BANP: variants seen among roughly 807,000 people sequenced by gnomAD.
The protein encoded by BANP is protein BANP.
BANP carries 11 observed loss-of-function variants against 68.1 expected under a neutral mutation model. The ratio of observed to expected loss-of-function variants is 0.16; its 90% CI spans 0.10 to 0.27. BANP has a LOEUF of 0.27. BANP is among the 10% of genes least tolerant of loss of function. BANP has a pLI of 1.00. For synonymous variants in BANP, 329 were observed against 303.2 expected (o/e 1.09, Z -0.88); for missense variants, 504 against 722.7 (o/e 0.70, Z 3.47).
intron 1 of BANP, 88 bp downstream of exon 1, chr16:87,951,603 C>T (rs1347576117): frequency 1.3e-5 from 2 of 150,668 alleles, no homozygotes; most frequent in African/African-American, 4.9e-5. Context: ...CCTCCCTCCT[C>T]CTCCCGCCCG....
chr16:88,072,036 G>T, intron 12 of BANP, 33 bp from the exon 13 acceptor site: 1 of 1,546,678 alleles, frequency 6.5e-7, no homozygotes, highest in Non-Finnish European at 8.7e-7. Flanking sequence ...TGTGGGCCAC[G>T]CCGCTGACGG....
intron 4 of BANP, among the ~76,000 whole-genome samples, chr16:88,001,932 A>AG (rs2069499768): frequency 3.4e-5 from 5 of 145,192 alleles, no homozygotes; most frequent in African/African-American, 1.3e-4. Flanking sequence ...ACAAAAAAAC[A>AG]AAAAAAAAAA....
At chr16:87,965,152 G>A (rs1182143765) in intron 1 of BANP, among the ~76,000 whole-genome samples, 1 of 152,202 alleles carries the variant, frequency 6.6e-6, no homozygotes, top group Admixed American at 6.5e-5. Flanking sequence ...GGGACCAGCA[G>A]AGAGACAGAG....
At chr16:87,974,220 A>G (rs1250405214) in intron 1 of BANP, among the ~76,000 whole-genome samples, 3 of 152,244 alleles carry the variant, frequency 2.0e-5, no homozygotes, top group Non-Finnish European at 2.9e-5. Context: ...GCAGTACTAT[A>G]TTTGGATCTG....
intron 11 of BANP, among the ~76,000 whole-genome samples, chr16:88,048,082 C>T (rs544103134): frequency 1.3e-5 from 2 of 152,266 alleles, no homozygotes; most frequent in South Asian, 2.1e-4. Context: ...GTGTGGCTTC[C>T]GCAGCTGGCC....
chr16:87,963,125 C>A (rs373448226), intron 1 of BANP, among the ~76,000 whole-genome samples: 5 of 152,226 alleles, frequency 3.3e-5, no homozygotes, highest in African/African-American at 1.2e-4. Flanking sequence ...CATTCCAGCT[C>A]GGGTGGCCTG....
At chr16:88,027,170 C>G (rs1241960862) in intron 7 of BANP, among the ~76,000 whole-genome samples, 1 of 152,200 alleles carries the variant, frequency 6.6e-6, no homozygotes, top group African/African-American at 2.4e-5. Context: ...GTCTGGGAAT[C>G]TTGTGAGAGC....
intron 11 of BANP, among the ~76,000 whole-genome samples, chr16:88,051,822 C>G (rs7404612): frequency 0.76 from 115,479 of 152,204 alleles, 44,154 homozygotes; most frequent in Non-Finnish European, 0.81. Context: ...AATAGACTTA[C>G]AGTTTTCTTT....
In BANP at chr16:88,002,966, C is replaced by T. The variant is rs1348210814; in HGVS notation, c.363-1329C>T. Among the ~76,000 whole-genome samples, 1 of 152,042 alleles carries T rather than the reference C, an allele frequency of 6.6e-6. No individual in the cohort carries two copies. Among genetic ancestry groups the T allele is most frequent in the Non-Finnish European group, 1.5e-5 (1 of 68,002 alleles). ...ACCAGCCTTCCCACATGCTGTGAGC[C>T]TAGGATCCCGGGGCCACCAGTGTTC... On this transcript the variant is annotated intron_variant, in intron 4 of 13. Transcript: ENST00000682872. This position sits in a 1 kb window ranked among gnomAD's most constrained non-coding sequence, Gnocchi z 4.6.
intron 12 of BANP, among the ~76,000 whole-genome samples, chr16:88,066,730 CA>C (rs1314000453): frequency 1.3e-5 from 2 of 152,194 alleles, no homozygotes; most frequent in African/African-American, 4.8e-5. Flanking sequence ...TCATTTTGTT[CA>C]GTTTTTTTTT....
rs201761173 is a variant in BANP, at chr16:88,033,102, C to T, written c.1064-7C>T. On this transcript the variant is annotated splice_polypyrimidine_tract_variant and splice_region_variant and intron_variant, in intron 8 of 13. Coordinates refer to ENST00000682872, the MANE Select transcript of BANP (RefSeq NM_001386991.1). Reference sequence around the variant, plus strand: ...GTTCACCCCGTTCACACCTGTTGCCCCCACAGAGCCGATGATGAGCACCCC... The same window carrying T: ...GTTCACCCCGTTCACACCTGTTGCCTCCACAGAGCCGATGATGAGCACCCC... 456 of 1,594,096 alleles carry T rather than the reference C, an allele frequency of 2.9e-4. 1 individual carries two copies. Among genetic ancestry groups the T allele is most frequent in the Non-Finnish European group, 3.7e-4 (434 of 1,166,050 alleles).
intron 12 of BANP, among the ~76,000 whole-genome samples, chr16:88,068,356 G>A (rs1002999099): frequency 2.0e-5 from 3 of 152,358 alleles, no homozygotes. Flanking sequence ...AGGCGCTTGG[G>A]AGTTACCAGT....
intron 11 of BANP, among the ~76,000 whole-genome samples, chr16:88,046,912 A>G (rs2082146368): frequency 6.6e-6 from 1 of 151,894 alleles, no homozygotes; most frequent in Non-Finnish European, 1.5e-5. Context: ...TAAAAATACA[A>G]AAAATTAGCC....
At chr16:88,033,287 CG>C in intron 9 of BANP, 42 bp downstream of exon 9, 1 of 1,493,540 alleles carries the variant, frequency 6.7e-7, no homozygotes, top group Non-Finnish European at 9.0e-7. Context: ...AAGGGGGCTG[CG>C]GGGTGGGCCA....
At chr16:88,074,953 C>T (rs1433080375) in intron 13 of BANP, among the ~76,000 whole-genome samples, 1 of 152,208 alleles carries the variant, frequency 6.6e-6, no homozygotes, top group Admixed American at 6.5e-5. Flanking sequence ...CCTGTAATCC[C>T]AGTGCTTTGT....
At chr16:87,980,056 A>G (rs1170495215) in intron 2 of BANP, among the ~76,000 whole-genome samples, 4 of 152,242 alleles carry the variant, frequency 2.6e-5, no homozygotes, top group Non-Finnish European at 5.9e-5. Context: ...CACCTCCCAC[A>G]TGTATGCCGT....
chr16:87,955,159 G>C (rs115157799), intron 1 of BANP, among the ~76,000 whole-genome samples: 1 of 152,218 alleles, frequency 6.6e-6, no homozygotes, highest in Non-Finnish European at 1.5e-5. Flanking sequence ...AGTGGTGAGC[G>C]TACTGGGAGC....
At chr16:88,069,859 T>C (rs1334535797) in intron 12 of BANP, among the ~76,000 whole-genome samples, 1 of 151,976 alleles carries the variant, frequency 6.6e-6, no homozygotes, top group African/African-American at 2.4e-5. Flanking sequence ...TTTTTTTCAG[T>C]AAAAATTATA....
chr16:88,076,321 C>T (rs936092885), intron 13 of BANP, among the ~76,000 whole-genome samples: 2 of 146,546 alleles, frequency 1.4e-5, no homozygotes, highest in South Asian at 2.2e-4. Flanking sequence ...GCTGCTGCGC[C>T]GGCCCCGGTG....
Sources: allele counts gnomAD v4.1 joint callset (sites outside exome capture counted in the v4.1 genomes callset), GRCh38; gene constraint gnomAD v4.1.1; non-coding constraint Gnocchi (gnomAD v3.1); transcripts MANE v1.5; gene names NCBI Gene and HGNC (gene_info 2026-07-23, HGNC 2026-07-21).